MTMR8: variants seen among roughly 807,000 people sequenced by gnomAD.
MTMR8 encodes the protein phosphatidylinositol-3,5-bisphosphate 3-phosphatase MTMR8.
Under a neutral mutation model 39.3 loss-of-function variants are expected in MTMR8, and 65 were observed. The ratio of observed to expected loss-of-function variants is 1.65; its 90% CI spans 1.35 to 2.03. The LOEUF (loss-of-function observed/expected upper bound fraction) is 2.03, where lower values mean the gene tolerates loss of function less well. Among genes scored for constraint, MTMR8 ranks in the 30% most tolerant of loss-of-function variants. MTMR8 has a pLI of 0.00. For synonymous variants in MTMR8, 245 were observed against 185.2 expected (o/e 1.32, Z -2.62); for missense variants, 777 against 538.9 (o/e 1.44, Z -4.37).
intron 1 of MTMR8, among the ~76,000 whole-genome samples, chrX:64,380,505 T>A (rs938477450): frequency 5.3e-5 from 6 of 112,733 alleles, no homozygotes; most frequent in Non-Finnish European, 1.1e-4. Context: ...GTAGCCATTG[T>A]TGAGAACCAC....
At chrX:64,385,575 G>C (rs188567351) in intron 1 of MTMR8, among the ~76,000 whole-genome samples, 66 of 111,951 alleles carry the variant, frequency 5.9e-4, no homozygotes, top group African/African-American at 2.0e-3. Context: ...AAGGAAGAAT[G>C]GTGGTGGTAT....
intron 1 of MTMR8, among the ~76,000 whole-genome samples, chrX:64,387,043 G>A (rs1487073990): frequency 2.7e-5 from 3 of 111,358 alleles, no homozygotes; most frequent in African/African-American, 9.8e-5. Flanking sequence ...GACAGAGCAA[G>A]GCCTTGTCTC....
chrX:64,271,091 G>C lies in MTMR8; in HGVS notation c.1482-18C>G, dbSNP rs181972544. 8.5e-7 allele frequency: 1 copy of C among 1,171,449 alleles called. No individual in the cohort carries two copies. Among genetic ancestry groups the C allele is most frequent in the East Asian group, 3.1e-5 (1 of 32,582 alleles). On this transcript the variant is annotated intron_variant, in intron 12 of 13. Transcript: ENST00000374852. ...ACCAGAACCTCAAATAGACAAAAAT[G>C]GGGGGAAAAGTGGGTTAGTTTAGCT...
At chrX:64,271,108 A>G (rs776453092) in intron 12 of MTMR8, 35 bp from the exon 13 acceptor site, 6 of 1,153,645 alleles carry the variant, frequency 5.2e-6, no homozygotes, top group Non-Finnish European at 6.9e-6. Context: ...AAAGTGGGTT[A>G]GTTTAGCTGG....
intron 12 of MTMR8, among the ~76,000 whole-genome samples, chrX:64,302,352 C>A (rs1291528381): frequency 8.9e-6 from 1 of 112,540 alleles, no homozygotes; most frequent in Non-Finnish European, 1.9e-5. Flanking sequence ...TCACCCCTTT[C>A]TTTGATTCGG....
At position 64,323,586 on chromosome X, in the gene MTMR8, G is replaced by A. The variant is rs535581972; in HGVS notation, c.1481+5186C>T. Among the ~76,000 whole-genome samples, 17 of 112,101 alleles carry A rather than the reference G, an allele frequency of 1.5e-4. No homozygotes were observed. The South Asian group carries it at 4.1e-3, about 27-fold the overall frequency. Reference sequence around the variant, plus strand: ...CCAAGCAAACATTTACAGCATATTCGACCAAACAGCTGCAGAATAAACAGT... The same window carrying A: ...CCAAGCAAACATTTACAGCATATTCAACCAAACAGCTGCAGAATAAACAGT... On this transcript the variant is annotated intron_variant, in intron 12 of 13. Transcript: ENST00000374852.
At chrX:64,280,691 C>T (rs1263584125) in intron 12 of MTMR8, among the ~76,000 whole-genome samples, 1 of 111,302 alleles carries the variant, frequency 9.0e-6, no homozygotes, top group Non-Finnish European at 1.9e-5. Context: ...CTGGAAGTTC[C>T]AGCCAGGGCA....
rs577112080 is a variant in MTMR8, at chrX:64,280,507, T to C, written c.1482-9434A>G. 3.8e-4 allele frequency among the ~76,000 whole-genome samples: 43 copies of C among 111,884 alleles called. No homozygotes were observed. In the South Asian group the frequency reaches 7.9e-3, roughly 21 times the overall value. ...TCGATAAAATTCAATGTCCTTCATG[T>C]TAAAAACTCTCAATAATCTAGGTAC... On this transcript the variant is annotated intron_variant, in intron 12 of 13. Coordinates refer to ENST00000374852, the MANE Select transcript of MTMR8 (RefSeq NM_017677.4).
At chrX:64,393,820 C>T (rs1390534596) in intron 1 of MTMR8, among the ~76,000 whole-genome samples, 1 of 112,250 alleles carries the variant, frequency 8.9e-6, no homozygotes, top group Non-Finnish European at 1.9e-5. Flanking sequence ...CTTTGCCCAT[C>T]AGGCAGCATC....
At chrX:64,347,713 A>C (rs1923379280) in intron 6 of MTMR8, among the ~76,000 whole-genome samples, 1 of 112,477 alleles carries the variant, frequency 8.9e-6, no homozygotes, top group Non-Finnish European at 1.9e-5. Flanking sequence ...TTATAAGCAA[A>C]ATTATTTCTT....
intron 12 of MTMR8, among the ~76,000 whole-genome samples, chrX:64,296,824 T>C (rs1260834910): frequency 2.0e-5 from 2 of 98,365 alleles, no homozygotes; most frequent in African/African-American, 7.5e-5. Flanking sequence ...AGTGAGAATA[T>C]GCGGTGTTTG....
chrX:64,270,697 C>T (rs1283603905), intron 13 of MTMR8, among the ~76,000 whole-genome samples: 1 of 111,620 alleles, frequency 9.0e-6, no homozygotes, highest in Non-Finnish European at 1.9e-5. Flanking sequence ...CCTATTCATT[C>T]CATCCAGATC....
At chrX:64,301,885 A>C (rs1569214473) in intron 12 of MTMR8, among the ~76,000 whole-genome samples, 1 of 111,827 alleles carries the variant, frequency 8.9e-6, no homozygotes, top group Non-Finnish European at 1.9e-5. Context: ...CTTGGGGGTC[A>C]GGGGTCAGGG....
At position 64,328,762 on chromosome X, in the gene MTMR8, A is replaced by T; in HGVS notation, c.1481+10T>A. 8.7e-7 allele frequency: 1 copy of T among 1,152,434 alleles called. No homozygotes were observed. Among genetic ancestry groups the T allele is most frequent in the Non-Finnish European group, 1.1e-6 (1 of 869,825 alleles). 95.0% of individuals were successfully genotyped at this position (1,152,434 alleles called of 1,213,427 possible). ...GCTATAAGAAAGGAGGGAAAAACTT[A>T]AGAACTTACTGAATGTTGTAGGGCA... On this transcript the variant is annotated intron_variant, in intron 12 of 13. Transcript: ENST00000374852.
intron 12 of MTMR8, among the ~76,000 whole-genome samples, chrX:64,275,221 T>C (rs960137055): frequency 9.0e-6 from 1 of 110,815 alleles, no homozygotes; most frequent in Non-Finnish European, 1.9e-5. Context: ...GAGAAATTTA[T>C]AGTGATAAAT....
At chrX:64,376,574 T>A (rs979795315) in intron 1 of MTMR8, among the ~76,000 whole-genome samples, 2 of 112,166 alleles carry the variant, frequency 1.8e-5, no homozygotes, top group Non-Finnish European at 3.8e-5. Flanking sequence ...GTGTTCAAGA[T>A]GTGCCCTGGC....
intron 2 of MTMR8, 32 bp downstream of exon 2, chrX:64,359,373 A>T (rs1218875124): frequency 8.4e-7 from 1 of 1,184,313 alleles, no homozygotes; most frequent in African/African-American, 1.8e-5. Context: ...CAACTCTTTA[A>T]GACTCTTTGA....
intron 12 of MTMR8, 98 bp from the exon 13 acceptor site, chrX:64,271,171 G>T: frequency 1.1e-6 from 1 of 902,573 alleles, no homozygotes; most frequent in Non-Finnish European, 1.5e-6. Context: ...GGCTTAGTAG[G>T]TGGGAAAATC....
At chrX:64,269,797 G>A (rs761427869) in intron 13 of MTMR8, among the ~76,000 whole-genome samples, 181 of 111,069 alleles carry the variant, frequency 1.6e-3, no homozygotes, top group Non-Finnish European at 2.9e-3. Context: ...TTAAAAAAAA[G>A]TCAACAGGGT....
Sources: allele counts gnomAD v4.1 joint callset (sites outside exome capture counted in the v4.1 genomes callset), GRCh38; gene constraint gnomAD v4.1.1; transcripts MANE v1.5; gene names NCBI Gene and HGNC (gene_info 2026-07-23, HGNC 2026-07-21).